The following CDC42BPA variants were observed in gnomAD, a reference collection of about 807,000 sequenced individuals.
CDC42BPA encodes CDC42 binding protein kinase alpha.
In CDC42BPA, 80 loss-of-function variants were observed where a neutral mutation model predicts 223.5. That is an observed-to-expected ratio of 0.36 (90% CI 0.30 to 0.43). The LOEUF (loss-of-function observed/expected upper bound fraction) is 0.43. Among genes scored for constraint, CDC42BPA ranks in the 20% least tolerant of loss-of-function variants. The pLI is 1.00. For synonymous variants in CDC42BPA, 694 were observed against 718.6 expected (o/e 0.97, Z 0.55); for missense variants, 1,743 against 2,099.9 (o/e 0.83, Z 3.32).
chr1:227,243,818 T>C (rs1276334249), intron 2 of CDC42BPA, among the ~76,000 whole-genome samples: 2 of 150,268 alleles, frequency 1.3e-5, no homozygotes, highest in Non-Finnish European at 3.0e-5. Flanking sequence ...AACAACAGAT[T>C]TGAATCTAGA....
At chr1:227,259,398 A>G (rs756712332) in intron 1 of CDC42BPA, among the ~76,000 whole-genome samples, 2 of 151,238 alleles carry the variant, frequency 1.3e-5, no homozygotes, top group South Asian at 4.1e-4. Context: ...ACATAATGAA[A>G]GAGAAAAACA....
Position 227,030,402 on chromosome 1 carries a change from T to C in CDC42BPA, c.3838+6A>G. The C allele has an allele frequency of 4.5e-6, 7 of 1,571,112 alleles. No individual in the cohort carries two copies. The highest frequency in any genetic ancestry group is 6.0e-6 in the Non-Finnish European group (7 of 1,157,350). On this transcript the variant is annotated splice_donor_region_variant and intron_variant, in intron 29 of 36. Coordinates refer to ENST00000366766, the MANE Select transcript of CDC42BPA (RefSeq NM_001394014.1). ...ATTACTCCAAAAAAAAAAAGTTTTCTCTTACCATCTTTGGTGACATGTACA... is the reference window on the plus strand; with the variant it reads ...ATTACTCCAAAAAAAAAAAGTTTTCCCTTACCATCTTTGGTGACATGTACA...
chr1:227,263,645 G>T (rs1248016135), intron 1 of CDC42BPA, among the ~76,000 whole-genome samples: 6 of 147,520 alleles, frequency 4.1e-5, no homozygotes, highest in African/African-American at 1.5e-4. Flanking sequence ...GTAATGGCAT[G>T]ATCTTGGCTC....
At chr1:227,025,241 T>A (rs549808749) in intron 31 of CDC42BPA, among the ~76,000 whole-genome samples, 1 of 152,134 alleles carries the variant, frequency 6.6e-6, no homozygotes, top group African/African-American at 2.4e-5. Flanking sequence ...AGACCCTGTC[T>A]CAAAAACAAA....
At chr1:227,056,502 C>T (rs1332291808) in intron 21 of CDC42BPA, among the ~76,000 whole-genome samples, 1 of 152,058 alleles carries the variant, frequency 6.6e-6, no homozygotes, top group Admixed American at 6.6e-5. Flanking sequence ...ATCCTCCTAC[C>T]TCAGCCTCTA....
At chr1:227,064,887 G>A (rs1676665080) in intron 21 of CDC42BPA, among the ~76,000 whole-genome samples, 1 of 152,088 alleles carries the variant, frequency 6.6e-6, no homozygotes, top group Non-Finnish European at 1.5e-5. Context: ...CACGAAGTCA[G>A]GAGATCAAGA....
intron 5 of CDC42BPA, among the ~76,000 whole-genome samples, chr1:227,187,307 GATAA>G (rs1668933815): frequency 6.6e-6 from 1 of 152,214 alleles, no homozygotes; most frequent in Admixed American, 6.5e-5. Context: ...CTCAAGAACA[GATAA>G]ATAAGATGGA....
chr1:227,011,200 C>A (rs559374973), intron 34 of CDC42BPA: 1 of 251,568 alleles, frequency 4.0e-6, no homozygotes, highest in Non-Finnish European at 7.0e-6. Flanking sequence ...ACTTTTAGGT[C>A]TTAGAAAGTT....
At chr1:227,306,146 T>G (rs964176287) in intron 1 of CDC42BPA, among the ~76,000 whole-genome samples, 7 of 151,666 alleles carry the variant, frequency 4.6e-5, no homozygotes, top group African/African-American at 1.5e-4. Flanking sequence ...TGGTTTTTTT[T>G]TTTTTTTTTT....
chr1:227,003,733 GCA>G (rs1200365430), intron 35 of CDC42BPA, among the ~76,000 whole-genome samples: 3 of 152,134 alleles, frequency 2.0e-5, no homozygotes, highest in African/African-American at 4.8e-5. Flanking sequence ...GCACCATGGA[GCA>G]CAGTTTTTTC....
intron 34 of CDC42BPA, among the ~76,000 whole-genome samples, chr1:227,008,356 T>C (rs1664500772): frequency 6.6e-6 from 1 of 152,108 alleles, no homozygotes; most frequent in Non-Finnish European, 1.5e-5. Flanking sequence ...AAGATGACTA[T>C]CTTCTTTGCT....
intron 3 of CDC42BPA, among the ~76,000 whole-genome samples, chr1:227,212,095 T>TG (rs1674022002): frequency 2.7e-5 from 4 of 150,492 alleles, no homozygotes; most frequent in Admixed American, 2.0e-4. Context: ...TTTGTTTGTT[T>TG]TTTTTAGTTT....
intron 5 of CDC42BPA, among the ~76,000 whole-genome samples, chr1:227,175,443 A>C (rs1666783250): frequency 6.6e-6 from 1 of 151,698 alleles, no homozygotes; most frequent in Admixed American, 6.6e-5. Context: ...AAATATATAT[A>C]TATATAAATA....
At chr1:227,243,846 A>G (rs1215542790) in intron 2 of CDC42BPA, among the ~76,000 whole-genome samples, 1 of 152,066 alleles carries the variant, frequency 6.6e-6, no homozygotes, top group Non-Finnish European at 1.5e-5. Flanking sequence ...GATAAGTCAG[A>G]CAACTCACCC....
chr1:227,103,219 G>A (rs1685346912), intron 14 of CDC42BPA, among the ~76,000 whole-genome samples: 1 of 151,968 alleles, frequency 6.6e-6, no homozygotes, highest in Non-Finnish European at 1.5e-5. Flanking sequence ...CTATTTAATT[G>A]TTCACCCAGA....
At chr1:227,116,630 T>C (rs1331955496) in intron 12 of CDC42BPA, among the ~76,000 whole-genome samples, 1 of 152,156 alleles carries the variant, frequency 6.6e-6, no homozygotes, top group African/African-American at 2.4e-5. Flanking sequence ...TTAAAAGAAC[T>C]TTAAATATAT....
rs146275015 is a variant in CDC42BPA, at chr1:227,157,025, T to C, written c.693+3518A>G. Among the ~76,000 whole-genome samples, 14 of 152,364 alleles carry C rather than the reference T, an allele frequency of 9.2e-5. No individual in the cohort carries two copies. In the East Asian group the frequency reaches 2.1e-3, roughly 23 times the overall value. ...TATATACAGTTATCCTAGAGCAGTATAATTCCATATACATATCTTCCATTG... is the reference window on the plus strand; with the variant it reads ...TATATACAGTTATCCTAGAGCAGTACAATTCCATATACATATCTTCCATTG... On this transcript the variant is annotated intron_variant, in intron 6 of 36. Coordinates refer to ENST00000366766, the MANE Select transcript of CDC42BPA (RefSeq NM_001394014.1).
chr1:227,159,057 TAGCTTCAACTATTGTATCCAGTTTTAC>T (rs1663357415), intron 6 of CDC42BPA, among the ~76,000 whole-genome samples: 1 of 152,184 alleles, frequency 6.6e-6, no homozygotes, highest in African/African-American at 2.4e-5. Flanking sequence ...TGGAAAACAG[TAGCTTCAACTATTGTATCCAGTTTTAC>T]AGTTCCTTAC....
At chr1:227,097,785 C>A (rs1684283163) in intron 15 of CDC42BPA, among the ~76,000 whole-genome samples, 1 of 152,202 alleles carries the variant, frequency 6.6e-6, no homozygotes, top group African/African-American at 2.4e-5. Flanking sequence ...CTTCAGTAAA[C>A]ACACTGTGCA....
Sources: gnomAD v4.1 joint callset for allele counts (sites outside exome capture counted in the v4.1 genomes callset) on GRCh38, gnomAD v4.1.1 for gene constraint, MANE v1.5 for transcripts, NCBI Gene and HGNC (gene_info 2026-07-23, HGNC 2026-07-21) for gene names.